The following PTK2B variants were observed in gnomAD, a reference collection of about 807,000 sequenced individuals.
PTK2B encodes protein-tyrosine kinase 2-beta.
Under a neutral mutation model 142.9 loss-of-function variants are expected in PTK2B, and 71 were observed. The observed-to-expected ratio is 0.50, with a 90% CI of 0.41 to 0.61. The LOEUF (loss-of-function observed/expected upper bound fraction) is 0.61, where lower values mean the gene tolerates loss of function less well. PTK2B is among the 20% of genes least tolerant of loss of function. The pLI, the probability that PTK2B is intolerant of heterozygous loss-of-function variation, is 0.00. For missense variants in PTK2B, 1,105 were observed against 1,320.4 expected, an observed-to-expected ratio of 0.84 and a Z score of 2.53; for synonymous variants, 519 against 503.4, an observed-to-expected ratio of 1.03 and a Z score of -0.42.
chr8:27,433,965 C>A, intron 11 of PTK2B, 128 bp from the exon 12 acceptor site: 1 of 1,282,776 alleles, frequency 7.8e-7, no homozygotes, highest in Non-Finnish European at 1.1e-6. Context: ...AGCTCCCAGG[C>A]TAGGAGAGAA....
chr8:27,408,843 A>G (rs568266093), intron 2 of PTK2B, among the ~76,000 whole-genome samples: 1 of 152,332 alleles, frequency 6.6e-6, no homozygotes, highest in South Asian at 2.1e-4. Context: ...ACAAAGCACC[A>G]CAAACAGAGT....
At chr8:27,336,076 TG>T (rs1804044902) in intron 1 of PTK2B, among the ~76,000 whole-genome samples, 1 of 152,100 alleles carries the variant, frequency 6.6e-6, no homozygotes, top group Non-Finnish European at 1.5e-5. Context: ...TAGGTGCAAA[TG>T]GACTTGGAAA....
chr8:27,435,929 C>A, intron 14 of PTK2B, 136 bp downstream of exon 14: 1 of 1,136,374 alleles, frequency 8.8e-7, no homozygotes, highest in Non-Finnish European at 1.3e-6. Context: ...CAGTGGCAAA[C>A]CTGAGATGCC....
chr8:27,396,278 A>T (rs1353422099), intron 1 of PTK2B: 1 of 152,242 alleles, frequency 6.6e-6, no homozygotes, highest in Non-Finnish European at 1.5e-5. Context: ...GAATAAATAC[A>T]TACAGGCTAT....
At chr8:27,442,604 A>G (rs2241660) in intron 21 of PTK2B, among the ~76,000 whole-genome samples, 73,427 of 152,060 alleles carry the variant, frequency 0.48, 18,309 homozygotes, top group African/African-American at 0.6. Flanking sequence ...CTCCTGCTGC[A>G]TGTTTGGGCT....
intron 1 of PTK2B, among the ~76,000 whole-genome samples, chr8:27,392,430 C>T (rs997849850): frequency 6.6e-6 from 1 of 151,680 alleles, no homozygotes; most frequent in Non-Finnish European, 1.5e-5. Context: ...TAGAGCCTTT[C>T]ACTGGTGTCC....
chr8:27,377,634 C>A (rs939453841), intron 1 of PTK2B, among the ~76,000 whole-genome samples: 1 of 152,196 alleles, frequency 6.6e-6, no homozygotes, highest in Non-Finnish European at 1.5e-5. Context: ...AGGGCCACCT[C>A]CGGAGGCAGG....
At chr8:27,334,927 C>T (rs557579989) in intron 1 of PTK2B, among the ~76,000 whole-genome samples, 1 of 152,304 alleles carries the variant, frequency 6.6e-6, no homozygotes, top group South Asian at 2.1e-4. Context: ...TTAAACCACT[C>T]CTAACTCTCT....
At position 27,444,229 on chromosome 8, in the gene PTK2B, C is replaced by T. The variant is rs1811330390; in HGVS notation, c.2172C>T (p.Pro724=). 2 of 1,613,896 alleles carry T rather than the reference C, an allele frequency of 1.2e-6. No individual in the cohort carries two copies. Among genetic ancestry groups the T allele is most frequent in the African/African-American group, 1.3e-5 (1 of 75,010 alleles). ...AGCCCAGCCGACCTAAGTACAGACC[C>T]CCTCCGCAAACCAACCTCCTGGCTC... The part of the protein sequence containing the change: ...PPKPSRPKYR[P]PPQTNLLAPK... The change falls in exon 23 of 31, where the codon CCC becomes CCT. Residue 724 remains proline, a synonymous_variant. Coordinates refer to ENST00000346049, the MANE Select transcript of PTK2B (RefSeq NM_173176.3).
chr8:27,385,938 T>G (rs1435812447), intron 1 of PTK2B, among the ~76,000 whole-genome samples: 1 of 149,756 alleles, frequency 6.7e-6, no homozygotes, highest in Non-Finnish European at 1.5e-5. Context: ...GAGATAGAGA[T>G]TGATGCATAG....
intron 1 of PTK2B, among the ~76,000 whole-genome samples, chr8:27,359,708 G>A (rs1805588913): frequency 6.6e-6 from 1 of 152,134 alleles, no homozygotes; most frequent in South Asian, 2.1e-4. Flanking sequence ...AATGACACAG[G>A]TTTTGGGTTT....
Position 27,367,490 on chromosome 8 carries a change from C to T in PTK2B, c.-37-30058C>T, listed in dbSNP as rs551437415. The stretch of plus-strand genomic sequence containing the variant: ...GGAGGAAGGTGACAGGCCCCCAGGA[C>T]GATGGCCTCTCTCCTCAGTCACCCC... On this transcript the variant is annotated intron_variant, in intron 1 of 30. Coordinates refer to ENST00000346049, the MANE Select transcript of PTK2B (RefSeq NM_173176.3). 5.3e-5 allele frequency among the ~76,000 whole-genome samples: 8 copies of T among 152,328 alleles called. No individual in the cohort carries two copies. In the South Asian group the frequency reaches 6.2e-4, roughly 12 times the overall value.
intron 1 of PTK2B, among the ~76,000 whole-genome samples, chr8:27,344,686 A>G (rs926681442): frequency 3.3e-5 from 5 of 152,094 alleles, no homozygotes; most frequent in African/African-American, 1.2e-4. Flanking sequence ...GCCTGGGGCT[A>G]TCTTGGTCTG....
At chr8:27,326,035 C>CG (rs2130741080) in intron 1 of PTK2B, among the ~76,000 whole-genome samples, 2 of 152,206 alleles carry the variant, frequency 1.3e-5, no homozygotes, top group Admixed American at 1.3e-4. Context: ...TAGGGAGCCA[C>CG]GGGGTTTCAG....
chr8:27,340,912 G>A (rs1490143614), intron 1 of PTK2B, among the ~76,000 whole-genome samples: 4 of 152,212 alleles, frequency 2.6e-5, no homozygotes, highest in African/African-American at 9.7e-5. Context: ...CAGTGGGGAG[G>A]GGGGCAGACA....
intron 24 of PTK2B, 61 bp downstream of exon 24, chr8:27,445,980 C>G (rs532547620): frequency 1.2e-6 from 2 of 1,602,356 alleles, no homozygotes; most frequent in African/African-American, 1.3e-5. Flanking sequence ...AGGGAGGTGG[C>G]CGGGGACACT....
intron 1 of PTK2B, among the ~76,000 whole-genome samples, chr8:27,346,965 CT>C (rs1486859841): frequency 1.3e-5 from 2 of 152,236 alleles, no homozygotes; most frequent in Non-Finnish European, 2.9e-5. Context: ...GCATTATCCC[CT>C]GATCTAGGCT....
At chr8:27,449,259 T>G in intron 24 of PTK2B, among the ~76,000 whole-genome samples, 1 of 152,230 alleles carries the variant, frequency 6.6e-6, no homozygotes, top group East Asian at 1.9e-4. Flanking sequence ...ACATAGTAGT[T>G]GCTTAATAAA....
At chr8:27,311,332 C>G, upstream of PTK2B, 1 of 1,366,814 alleles carries the variant, frequency 7.3e-7, no homozygotes, top group Non-Finnish European at 9.7e-7. Context: ...GGGAATCGCC[C>G]AGTCCCTTCC....
Sources: allele counts gnomAD v4.1 joint callset (sites outside exome capture counted in the v4.1 genomes callset), GRCh38; gene constraint gnomAD v4.1.1; transcripts MANE v1.5; gene names NCBI Gene and HGNC (gene_info 2026-07-23, HGNC 2026-07-21).